DERA: variants seen among roughly 807,000 people sequenced by gnomAD.
The protein encoded by DERA is 2-deoxy-D-ribose 5-phosphate aldolase.
A neutral mutation model predicts 41.1 loss-of-function variants in DERA; 15 were observed. The observed-to-expected ratio is 0.37, with a 90% confidence interval of 0.24 to 0.56. The LOEUF (loss-of-function observed/expected upper bound fraction) is 0.56, where lower values mean the gene tolerates loss of function less well. DERA is among the 20% of genes least tolerant of loss of function. DERA has a pLI of 0.81. For synonymous variants in DERA, 139 were observed against 137.4 expected (o/e 1.01, Z -0.08); for missense variants, 396 against 403.4 (o/e 0.98, Z 0.16).
At chr12:15,930,954 A>G (rs1948323156) in intron 1 of DERA, among the ~76,000 whole-genome samples, 1 of 152,212 alleles carries the variant, frequency 6.6e-6, no homozygotes, top group Non-Finnish European at 1.5e-5. Context: ...AGTAAGTTTC[A>G]GGAAAAATAG....
chr12:15,977,071 A>T (rs1305138840), intron 5 of DERA, among the ~76,000 whole-genome samples: 1 of 152,202 alleles, frequency 6.6e-6, no homozygotes, highest in Admixed American at 6.5e-5. Context: ...TACAAAATTT[A>T]GTATCTTATG....
At chr12:15,977,751 C>G (rs768056392) in intron 5 of DERA, among the ~76,000 whole-genome samples, 11 of 152,220 alleles carry the variant, frequency 7.2e-5, no homozygotes, top group Non-Finnish European at 1.2e-4. Flanking sequence ...AGCCACTGCA[C>G]CCAGCCTACA....
At chr12:15,948,651 C>T (rs1031201155) in intron 1 of DERA, among the ~76,000 whole-genome samples, 1 of 152,202 alleles carries the variant, frequency 6.6e-6, no homozygotes, top group African/African-American at 2.4e-5. Flanking sequence ...CGAACTTCCT[C>T]TTTTAGCTCG....
At chr12:15,956,606 A>G (rs1362663617) in intron 1 of DERA, 2 of 388,410 alleles carry the variant, frequency 5.1e-6, no homozygotes, top group African/African-American at 2.1e-5. Context: ...GGTACGTGGC[A>G]TGGGTAACAC....
rs150983694 is a variant in DERA, at chr12:16,010,570, G to A, written c.638-21972G>A. On this transcript the variant is annotated intron_variant, in intron 6 of 8. Coordinates refer to ENST00000428559, the MANE Select transcript of DERA (RefSeq NM_015954.4). This position sits in a 1 kb window ranked among gnomAD's most constrained non-coding sequence, Gnocchi z 5.5. ...AAGGAATAAAGATAAAAATGAAGGC[G>A]TGACTAGTTGAAAAATAGAGACAGA... 1.2e-3 allele frequency among the ~76,000 whole-genome samples: 188 copies of A among 151,818 alleles called. No individual in the cohort carries two copies. Among genetic ancestry groups the A allele is most frequent in the South Asian group, 5.0e-3 (24 of 4,776 alleles).
chr12:15,929,521 A>G (rs1948312282), intron 1 of DERA, among the ~76,000 whole-genome samples: 1 of 152,176 alleles, frequency 6.6e-6, no homozygotes, highest in South Asian at 2.1e-4. Context: ...TTATAGTCAC[A>G]GTATTTTAGC....
Position 15,943,165 on chromosome 12 carries a change from T to A in DERA, c.32-13771T>A, listed in dbSNP as rs143550706. Among the ~76,000 whole-genome samples, 175 of 152,356 alleles carry A rather than the reference T, an allele frequency of 1.1e-3. 1 individual carries two copies. Among genetic ancestry groups the A allele is most frequent in the African/African-American group, 4.1e-3 (169 of 41,598 alleles). On this transcript the variant is annotated intron_variant, in intron 1 of 8. Coordinates refer to ENST00000428559, the MANE Select transcript of DERA (RefSeq NM_015954.4). This position sits in a 1 kb window ranked among gnomAD's most constrained non-coding sequence, Gnocchi z 4.5. The stretch of plus-strand genomic sequence containing the variant: ...AGAGGAAGCTCTTCTTTGAATTTTG[T>A]GCTTTGTGAATCTTACAGATGCTTC...
intron 1 of DERA, among the ~76,000 whole-genome samples, chr12:15,926,742 G>GAAAAAA (rs71051274): frequency 9.1e-5 from 11 of 120,442 alleles, no homozygotes; most frequent in Non-Finnish European, 1.5e-4. Flanking sequence ...GTCTCAAAAA[G>GAAAAAA]AAAAAAAAAA....
At chr12:15,962,740 C>G in intron 4 of DERA, 73 bp from the exon 5 acceptor site, 1 of 1,334,998 alleles carries the variant, frequency 7.5e-7, no homozygotes, top group Non-Finnish European at 1.0e-6. Context: ...AATTTGTTTT[C>G]CCCTCCCCCC....
intron 1 of DERA, among the ~76,000 whole-genome samples, chr12:15,950,991 C>G (rs1948493742): frequency 1.3e-5 from 2 of 152,228 alleles, no homozygotes; most frequent in Admixed American, 1.3e-4. Flanking sequence ...TTTTCTGTCC[C>G]TTGTCTGTCT....
chr12:15,948,346 G>A (rs1441845421), intron 1 of DERA, among the ~76,000 whole-genome samples: 2 of 152,144 alleles, frequency 1.3e-5, no homozygotes, highest in African/African-American at 4.8e-5. Context: ...ACACCAATCA[G>A]GTGTAGATTT....
Position 15,985,580 on chromosome 12 carries a change from ACTTTT to A in DERA, c.637+3146_637+3150del, listed in dbSNP as rs1948758882. 1.1e-5 allele frequency among the ~76,000 whole-genome samples: 1 copy of A among 93,580 alleles called. No individual in the cohort carries two copies. The highest frequency in any genetic ancestry group is 3.3e-5 in the African/African-American group (1 of 30,730). The allele number at this position is 93,580 out of a possible 152,430, so 61.4% of individuals were successfully genotyped here. ...TTTATTTTGTTGTTTTTTTTTCATT[ACTTTT>A]CAGTGAAAGTTATTTTCTAATTTCC... On this transcript the variant is annotated intron_variant, in intron 6 of 8. Coordinates refer to ENST00000428559, the MANE Select transcript of DERA (RefSeq NM_015954.4). The surrounding 1 kb of genome is among the most constrained non-coding windows in gnomAD (Gnocchi z 4.2).
rs1948836479 is a variant in DERA, at chr12:15,996,234, A to T, written c.637+13798A>T. Among the ~76,000 whole-genome samples the T allele has an allele frequency of 6.6e-6, 1 of 151,762 alleles. No individual in the cohort carries two copies. The highest frequency in any genetic ancestry group is 2.4e-5 in the African/African-American group (1 of 41,312). The stretch of plus-strand genomic sequence containing the variant: ...ACAATCCAGTATACACAGGGCCCCA[A>T]AATATAGAAAACATGGGAAAAGAGG... On this transcript the variant is annotated intron_variant, in intron 6 of 8. Transcript: ENST00000428559. This position sits in a 1 kb window ranked among gnomAD's most constrained non-coding sequence, Gnocchi z 4.7.
rs549707468 is a variant in DERA, at chr12:16,021,482, G to A, written c.638-11060G>A. On this transcript the variant is annotated intron_variant, in intron 6 of 8. Coordinates refer to ENST00000428559, the MANE Select transcript of DERA (RefSeq NM_015954.4). This position sits in a 1 kb window ranked among gnomAD's most constrained non-coding sequence, Gnocchi z 5.3. ...TACCCAGGCAGGGATTCTCTACTAA[G>A]GCAGTGCTGAAGGGAAATGTAGGGT... is the stretch of plus-strand genomic sequence containing the variant. 6.6e-6 allele frequency among the ~76,000 whole-genome samples: 1 copy of A among 152,336 alleles called. No individual in the cohort carries two copies. The highest frequency in any genetic ancestry group is 2.1e-4 in the South Asian group (1 of 4,822).
In DERA at chr12:15,990,616, C is replaced by T. The variant is rs972921456; in HGVS notation, c.637+8180C>T. Among the ~76,000 whole-genome samples the T allele has an allele frequency of 8.6e-5, 13 of 152,006 alleles. No homozygotes were observed. The highest frequency in any genetic ancestry group is 1.6e-4 in the Non-Finnish European group (11 of 67,988). On this transcript the variant is annotated intron_variant, in intron 6 of 8. Transcript: ENST00000428559. This position sits in a 1 kb window ranked among gnomAD's most constrained non-coding sequence, Gnocchi z 4.3. ...CTTCCTCCTTCCACCCTCCAAACTC[C>T]AAAAGACCCCAGTGTCTGTTATTCT...
chr12:15,933,280 T>G (rs960901273), intron 1 of DERA, among the ~76,000 whole-genome samples: 3 of 152,204 alleles, frequency 2.0e-5, no homozygotes, highest in Non-Finnish European at 2.9e-5. Context: ...TAACTTACAT[T>G]TCCAGCCACA....
intron 1 of DERA, among the ~76,000 whole-genome samples, chr12:15,926,761 A>AT: frequency 6.6e-6 from 1 of 150,946 alleles, no homozygotes; most frequent in South Asian, 2.1e-4. Flanking sequence ...AAAAAAAAAA[A>AT]GAAACAAGAG....
intron 1 of DERA, among the ~76,000 whole-genome samples, chr12:15,937,623 T>G (rs1948378400): frequency 6.6e-6 from 1 of 152,142 alleles, no homozygotes; most frequent in African/African-American, 2.4e-5. Context: ...GTAGTTTGCT[T>G]TAGTTTGATT....
chr12:15,974,065 A>G (rs1360068493), intron 5 of DERA, among the ~76,000 whole-genome samples: 4 of 152,172 alleles, frequency 2.6e-5, no homozygotes, highest in Non-Finnish European at 5.9e-5. Flanking sequence ...AAGTGTGTAC[A>G]TACATATATA....
Sources: allele counts gnomAD v4.1 joint callset (sites outside exome capture counted in the v4.1 genomes callset), GRCh38; gene constraint gnomAD v4.1.1; non-coding constraint Gnocchi (gnomAD v3.1); transcripts MANE v1.5; gene names NCBI Gene and HGNC (gene_info 2026-07-23, HGNC 2026-07-21).